DOCK3: variants seen among roughly 807,000 people sequenced by gnomAD.
DOCK3 encodes the protein dedicator of cytokinesis 3.
In DOCK3, 60 loss-of-function variants were observed where a neutral mutation model predicts 265.6. The ratio of observed to expected loss-of-function variants is 0.23; its 90% confidence interval spans 0.18 to 0.28. The LOEUF (loss-of-function observed/expected upper bound fraction) is 0.28. Among genes scored for constraint, DOCK3 ranks in the 10% least tolerant of loss-of-function variants. DOCK3 has a pLI of 1.00. For missense variants in DOCK3, 1,981 were observed against 2,594.3 expected (o/e 0.76, Z 5.14); for synonymous variants, 881 against 938.0 (o/e 0.94, Z 1.11).
At chr3:51,335,258 CAAA>C (rs1043298728) in intron 35 of DOCK3, among the ~76,000 whole-genome samples, 1 of 149,780 alleles carries the variant, frequency 6.7e-6, no homozygotes, top group East Asian at 2.0e-4. Flanking sequence ...AAGAAAAAGC[CAAA>C]AAAAAAGAAG....
chr3:51,163,123 A>G (rs1023889938), intron 12 of DOCK3, among the ~76,000 whole-genome samples: 2 of 152,256 alleles, frequency 1.3e-5, no homozygotes, highest in Admixed American at 6.5e-5. Context: ...GTTAGATTGA[A>G]TTGGAAGCTT....
intron 32 of DOCK3, among the ~76,000 whole-genome samples, chr3:51,326,577 G>C (rs1272752181): frequency 6.9e-6 from 1 of 144,052 alleles, no homozygotes; most frequent in Non-Finnish European, 1.5e-5. Context: ...CCCACGCCTG[G>C]CATGTTTTGT....
intron 3 of DOCK3, among the ~76,000 whole-genome samples, chr3:50,855,254 T>C (rs538816349): frequency 2.0e-5 from 3 of 152,308 alleles, no homozygotes; most frequent in African/African-American, 7.2e-5. Flanking sequence ...ATCTTTGAAT[T>C]AGCAATGAAT....
At chr3:51,135,729 A>T (rs2084762517) in intron 9 of DOCK3, among the ~76,000 whole-genome samples, 1 of 151,368 alleles carries the variant, frequency 6.6e-6, no homozygotes. Context: ...TTTTATTTTT[A>T]TTTTTTTGGA....
chr3:50,871,826 T>G (rs775012095), intron 3 of DOCK3, among the ~76,000 whole-genome samples: 7 of 152,230 alleles, frequency 4.6e-5, no homozygotes, highest in Non-Finnish European at 8.8e-5. Flanking sequence ...CAGACTCTGG[T>G]GCATTATTCA....
In DOCK3 at chr3:51,281,305, A is replaced by ATATATATATATATT. The variant is rs1491189823; in HGVS notation, c.2922+1102_2922+1103insATATATATATATTT. On this transcript the variant is annotated intron_variant, in intron 27 of 52. Coordinates refer to ENST00000266037, the MANE Select transcript of DOCK3 (RefSeq NM_004947.5). Reference sequence around the variant, plus strand: ...TATATATATATATATATATATATATATCTCATAATATTTTAAGGAAGTTTA... The same window carrying ATATATATATATATT: ...TATATATATATATATATATATATATATATATATATATATTTCTCATAATATTTTAAGGAAGTTTA... Among the ~76,000 whole-genome samples the ATATATATATATATT allele has an allele frequency of 1.8e-4, 24 of 132,756 alleles. 1 individual carries two copies. The highest frequency in any genetic ancestry group is 5.7e-4 in the African/African-American group (21 of 36,750). The allele number at this position is 132,756 out of a possible 152,430, so 87.1% of individuals were successfully genotyped here. A position where few individuals can be genotyped will look rare whatever the true frequency, so the allele number is the denominator to read the frequency against.
At chr3:51,088,921 T>G (rs973906767) in intron 7 of DOCK3, among the ~76,000 whole-genome samples, 16 of 152,146 alleles carry the variant, frequency 1.1e-4, no homozygotes, top group Non-Finnish European at 2.1e-4. Flanking sequence ...AGTGGTACAG[T>G]ATATGGAGAG....
At chr3:51,204,153 A>G (rs1288988919) in intron 12 of DOCK3, among the ~76,000 whole-genome samples, 26 of 147,786 alleles carry the variant, frequency 1.8e-4, no homozygotes, top group African/African-American at 6.3e-4. Context: ...ACAAAAGCCA[A>G]AATTGACAAA....
chr3:51,225,123 T>A (rs1353520563), intron 14 of DOCK3, among the ~76,000 whole-genome samples: 4 of 152,110 alleles, frequency 2.6e-5, no homozygotes, highest in Non-Finnish European at 5.9e-5. Context: ...CAGCAGGGAA[T>A]GGGATTTGGA....
chr3:51,278,063 T>C, intron 26 of DOCK3: 11 of 985,354 alleles, frequency 1.1e-5, no homozygotes, highest in Non-Finnish European at 1.3e-5. Context: ...TAAGATGTAG[T>C]AAGAGGTTGA....
chr3:50,796,153 G>A (rs1357050501), intron 2 of DOCK3, among the ~76,000 whole-genome samples: 2 of 151,426 alleles, frequency 1.3e-5, no homozygotes, highest in African/African-American at 2.4e-5. Flanking sequence ...CCATTCTCCT[G>A]CCTCAGCCTC....
intron 12 of DOCK3, among the ~76,000 whole-genome samples, chr3:51,194,761 T>G (rs527566189): frequency 2.6e-5 from 4 of 152,210 alleles, no homozygotes; most frequent in African/African-American, 9.6e-5. Flanking sequence ...GAGAATATCT[T>G]GTTTTCATTT....
At chr3:51,311,232 C>T (rs2083051955) in intron 28 of DOCK3, among the ~76,000 whole-genome samples, 2 of 152,196 alleles carry the variant, frequency 1.3e-5, no homozygotes, top group South Asian at 2.1e-4. Flanking sequence ...AAATTTTTCA[C>T]CCCCTCTAGT....
chr3:50,939,204 T>C (rs1447607308), intron 5 of DOCK3, among the ~76,000 whole-genome samples: 1 of 152,062 alleles, frequency 6.6e-6, no homozygotes, highest in Non-Finnish European at 1.5e-5. Context: ...AAACCATAAA[T>C]TGTCAAAACT....
Position 50,841,702 on chromosome 3 carries a change from A to C in DOCK3, c.149A>C (p.Lys50Thr), listed in dbSNP as rs1575328368. The C allele has an allele frequency of 1.6e-6, 2 of 1,233,238 alleles. No individual in the cohort carries two copies. Among genetic ancestry groups the C allele is most frequent in the Non-Finnish European group, 2.1e-6 (2 of 956,160 alleles). 76.4% of individuals were successfully genotyped at this position (1,233,238 alleles called of 1,614,324 possible). A position where few individuals can be genotyped will look rare whatever the true frequency, so the allele number is the denominator to read the frequency against. Residue 50 changes from lysine to threonine, a missense_variant, in exon 3 of 53, where the codon AAG becomes ACG. By Grantham distance (78) the Lys-to-Thr change is moderately conservative. Transcript: ENST00000266037. Reference sequence around the variant, plus strand: ...TGGTACAGAGGAGTTTCAACAAAGAAGCCAAATGTGAAGGTAATGAAAAGT... The same window carrying C: ...TGGTACAGAGGAGTTTCAACAAAGACGCCAAATGTGAAGGTAATGAAAAGT... ...EGWYRGVSTKKPNVKGIFPAN... is the reference protein window; with the variant it reads ...EGWYRGVSTKTPNVKGIFPAN...
intron 1 of DOCK3, among the ~76,000 whole-genome samples, chr3:50,696,991 C>T (rs982744608): frequency 4.7e-5 from 7 of 150,458 alleles, no homozygotes; most frequent in South Asian, 2.1e-4. Context: ...CATGCAGTGG[C>T]GCTATGTAGG....
chr3:50,930,862 C>T (rs909534668), intron 4 of DOCK3, among the ~76,000 whole-genome samples: 7 of 152,146 alleles, frequency 4.6e-5, no homozygotes, highest in African/African-American at 7.2e-5. Flanking sequence ...GGCTGATCCC[C>T]GAAGTGGGCA....
At chr3:50,970,978 A>AT (rs1420462871) in intron 5 of DOCK3, among the ~76,000 whole-genome samples, 2,155 of 18,482 alleles carry the variant, frequency 0.12, 270 homozygotes, top group South Asian at 0.21. Context: ...ATATATATAT[A>AT]TTTTTTTTAT....
chr3:50,992,779 A>C (rs865829608), intron 5 of DOCK3, among the ~76,000 whole-genome samples: 2 of 152,200 alleles, frequency 1.3e-5, no homozygotes, highest in Non-Finnish European at 2.9e-5. Context: ...CAAACTAGAA[A>C]ACCTAAAAGA....
Sources: allele counts gnomAD v4.1 joint callset (sites outside exome capture counted in the v4.1 genomes callset), GRCh38; gene constraint gnomAD v4.1.1; transcripts MANE v1.5; gene names NCBI Gene and HGNC (gene_info 2026-07-23, HGNC 2026-07-21).